The following SYT9 variants were observed in gnomAD, a reference collection of about 807,000 sequenced individuals.
SYT9 encodes synaptotagmin 9.
SYT9 carries 22 observed loss-of-function variants against 48.4 expected under a neutral mutation model. The ratio of observed to expected loss-of-function variants is 0.45; its 90% CI spans 0.32 to 0.65. SYT9 has a LOEUF of 0.65. SYT9 is among the 30% of genes least tolerant of loss of function. The probability of loss-of-function intolerance (pLI) is 0.03; values close to 1 mark genes in which losing one functional copy is unlikely to be tolerated. For synonymous variants in SYT9, 265 were observed against 245.0 expected (o/e 1.08, Z -0.76); for missense variants, 577 against 622.0 (o/e 0.93, Z 0.77).
chr11:7,366,917 T>C (rs1850255214), intron 3 of SYT9, among the ~76,000 whole-genome samples: 1 of 151,998 alleles, frequency 6.6e-6, no homozygotes, highest in South Asian at 2.1e-4. Flanking sequence ...CTTTAATATA[T>C]TATAAATTTT....
intron 1 of SYT9, among the ~76,000 whole-genome samples, chr11:7,281,842 T>C (rs935623737): frequency 6.6e-6 from 1 of 152,218 alleles, no homozygotes; most frequent in Non-Finnish European, 1.5e-5. Flanking sequence ...TTCTCGCTGT[T>C]ATGCTTGTAA....
At position 7,409,201 on chromosome 11, in the gene SYT9, A is replaced by AT. The variant is rs564879374; in HGVS notation, c.1045-6838dup. The stretch of plus-strand genomic sequence containing the variant: ...TGATTTTGTTTATGTGATGTATCAC[A>AT]TTTATTGATTTGCATATGTTGAGCC... On this transcript the variant is annotated intron_variant, in intron 3 of 6. Transcript: ENST00000318881. Among the ~76,000 whole-genome samples the AT allele has an allele frequency of 5.9e-5, 9 of 152,184 alleles. No homozygotes were observed. The South Asian group carries it at 1.9e-3, about 32-fold the overall frequency.
intron 1 of SYT9, among the ~76,000 whole-genome samples, chr11:7,270,508 A>G (rs1848274587): frequency 6.6e-6 from 1 of 152,214 alleles, no homozygotes; most frequent in Non-Finnish European, 1.5e-5. Context: ...CTAAATGCTA[A>G]TCAGTGAATT....
chr11:7,347,945 C>T (rs1849833748), intron 3 of SYT9, among the ~76,000 whole-genome samples: 1 of 152,178 alleles, frequency 6.6e-6, no homozygotes, highest in South Asian at 2.1e-4. Flanking sequence ...GGAAGCAATT[C>T]CGTGAAACAG....
At chr11:7,371,496 G>GA (rs201730864) in intron 3 of SYT9, among the ~76,000 whole-genome samples, 5 of 146,972 alleles carry the variant, frequency 3.4e-5, no homozygotes, top group African/African-American at 1.2e-4. Context: ...CTTATATATA[G>GA]AAAAAAAGCT....
chr11:7,274,439 C>T (rs1326519830), intron 1 of SYT9, among the ~76,000 whole-genome samples: 1 of 151,804 alleles, frequency 6.6e-6, no homozygotes, highest in African/African-American at 2.4e-5. Flanking sequence ...GCCTCAGCCT[C>T]CCGAGTAGCT....
At position 7,313,506 on chromosome 11, in the gene SYT9, T is replaced by C. The variant is rs1849180383; in HGVS notation, c.609T>C (p.Tyr203=). The C allele has an allele frequency of 5.6e-6, 9 of 1,614,056 alleles. No individual in the cohort carries two copies. In the East Asian group the frequency reaches 1.8e-4, roughly 32 times the overall value. The change falls in exon 3 of 7, where the codon TAT becomes TAC. Residue 203 remains tyrosine (Y), a synonymous_variant. Coordinates refer to ENST00000318881, the MANE Select transcript of SYT9 (RefSeq NM_175733.4). The part of the protein sequence containing the change: ...TGIGRIKPEL[Y]KQRSLDNDDG... ...TTGGTAGAATTAAACCAGAGTTATA[T>C]AAGCAGAGGTCATTGGATAATGATG...
At chr11:7,338,693 G>A (rs1029691612) in intron 3 of SYT9, among the ~76,000 whole-genome samples, 4 of 151,992 alleles carry the variant, frequency 2.6e-5, no homozygotes, top group Non-Finnish European at 5.9e-5. Context: ...TATTTTTATT[G>A]TGCTATGATC....
chr11:7,310,409 C>T (rs1849110763), intron 2 of SYT9, among the ~76,000 whole-genome samples: 1 of 150,568 alleles, frequency 6.6e-6, no homozygotes, highest in African/African-American at 2.4e-5. Context: ...GCTGAGATTA[C>T]AGGTGTGAGC....
intron 1 of SYT9, among the ~76,000 whole-genome samples, chr11:7,282,919 C>T (rs1202568787): frequency 6.6e-6 from 1 of 150,566 alleles, no homozygotes; most frequent in African/African-American, 2.5e-5. Flanking sequence ...AACACACACA[C>T]ACACACGCAC....
At chr11:7,324,160 A>AT (rs1345241449) in intron 3 of SYT9, among the ~76,000 whole-genome samples, 1 of 151,700 alleles carries the variant, frequency 6.6e-6, no homozygotes, top group Non-Finnish European at 1.5e-5. Flanking sequence ...GGTGATTTAG[A>AT]TTTTTCTAGA....
chr11:7,404,464 C>T (rs1846962891), intron 3 of SYT9, among the ~76,000 whole-genome samples: 1 of 151,916 alleles, frequency 6.6e-6, no homozygotes, highest in Non-Finnish European at 1.5e-5. Context: ...TTAGCTATAA[C>T]TCCTTGTTTT....
chr11:7,362,703 G>A (rs72856419), intron 3 of SYT9, among the ~76,000 whole-genome samples: 12,868 of 151,278 alleles, frequency 0.085, 584 homozygotes, highest in East Asian at 0.19. Context: ...AGTACTTATC[G>A]CATATATATA....
At chr11:7,282,623 G>T (rs1167971109) in intron 1 of SYT9, among the ~76,000 whole-genome samples, 1 of 152,086 alleles carries the variant, frequency 6.6e-6, no homozygotes, top group Non-Finnish European at 1.5e-5. Flanking sequence ...CCAGCCTAGA[G>T]GTGTCTTCAG....
intron 6 of SYT9, among the ~76,000 whole-genome samples, chr11:7,452,409 C>A (rs965248824): frequency 6.6e-6 from 1 of 152,128 alleles, no homozygotes; most frequent in South Asian, 2.1e-4. Flanking sequence ...GGTGTAGGTA[C>A]GTAAGTTGGG....
chr11:7,240,815 A>G (rs767962807), intron 1 of SYT9, among the ~76,000 whole-genome samples: 1 of 152,190 alleles, frequency 6.6e-6, no homozygotes, highest in Non-Finnish European at 1.5e-5. Context: ...AAACCCTCCA[A>G]GTCAGGCAGC....
At chr11:7,311,259 G>A (rs948335896) in intron 2 of SYT9, among the ~76,000 whole-genome samples, 4 of 152,182 alleles carry the variant, frequency 2.6e-5, no homozygotes, top group Non-Finnish European at 4.4e-5. Context: ...CCGAGATCGC[G>A]CCATTGCACT....
At chr11:7,425,418 G>C (rs1014946125) in intron 6 of SYT9, among the ~76,000 whole-genome samples, 2 of 152,226 alleles carry the variant, frequency 1.3e-5, no homozygotes, top group Non-Finnish European at 2.9e-5. Flanking sequence ...AAAGATGGGA[G>C]TGGGGAGAGC....
chr11:7,420,377 G>A lies in SYT9; in HGVS notation c.1338-129G>A, dbSNP rs988364980. 3.8e-5 allele frequency: 47 copies of A among 1,229,702 alleles called. No homozygotes were observed. In the African/African-American group the frequency reaches 5.7e-4, roughly 15 times the overall value. 76.2% of individuals were successfully genotyped at this position (1,229,702 alleles called of 1,614,324 possible). A position where few individuals can be genotyped will look rare whatever the true frequency, so the allele number is the denominator to read the frequency against. ...AGCTTAGCCTGTAGTTTTAAGTGAGGAAATGAAAAAACAAACAAACAAACA... is the reference window on the plus strand; with the variant it reads ...AGCTTAGCCTGTAGTTTTAAGTGAGAAAATGAAAAAACAAACAAACAAACA... On this transcript the variant is annotated intron_variant, in intron 5 of 6. Transcript: ENST00000318881.
Sources: gnomAD v4.1 joint callset for allele counts (sites outside exome capture counted in the v4.1 genomes callset) on GRCh38, gnomAD v4.1.1 for gene constraint, MANE v1.5 for transcripts, NCBI Gene and HGNC (gene_info 2026-07-23, HGNC 2026-07-21) for gene names.